The following GLIS3 variants were observed in gnomAD, a reference collection of about 807,000 sequenced individuals.
The protein encoded by GLIS3 is GLIS family zinc finger 3.
A neutral mutation model predicts 78.6 loss-of-function variants in GLIS3; 53 were observed. That is an observed-to-expected ratio of 0.67 (90% CI 0.54 to 0.85). GLIS3 has a LOEUF of 0.85. Ranked by LOEUF, GLIS3 falls within the 40% of genes least tolerant of loss-of-function variation. The pLI, the probability that GLIS3 is intolerant of heterozygous loss-of-function variation, is 0.00. For missense variants in GLIS3, 1,703 were observed against 1,231.1 expected, an observed-to-expected ratio of 1.38 and a Z score of -5.74; for synonymous variants, 684 against 509.9, an observed-to-expected ratio of 1.34 and a Z score of -4.60.
At chr9:4,478,361 C>A in the GLIS3 span, among the ~76,000 whole-genome samples, 1 of 152,250 alleles carries the variant, frequency 6.6e-6, no homozygotes, top group East Asian at 1.9e-4. Flanking sequence ...TATGTAATCC[C>A]AGCAATTTGG....
At chr9:4,428,901 G>T in the GLIS3 span, among the ~76,000 whole-genome samples, 4 of 152,070 alleles carry the variant, frequency 2.6e-5, no homozygotes, top group African/African-American at 9.7e-5. Context: ...CACATGAGTT[G>T]TCCCTGACAC....
chr9:4,033,559 C>G (rs1009488022), intron 4 of GLIS3, among the ~76,000 whole-genome samples: 1 of 152,106 alleles, frequency 6.6e-6, no homozygotes, highest in Non-Finnish European at 1.5e-5. Flanking sequence ...CAAAGCTACG[C>G]TCCTTAAAGT....
At chr9:4,435,512 G>A in the GLIS3 span, among the ~76,000 whole-genome samples, 1 of 152,118 alleles carries the variant, frequency 6.6e-6, no homozygotes, top group Non-Finnish European at 1.5e-5. Context: ...TCATCAAAAG[G>A]CATCATTTTA....
At chr9:4,279,277 A>G (rs10974431) in intron 2 of GLIS3, among the ~76,000 whole-genome samples, 128,056 of 128,392 alleles carry the variant, frequency 1, 63,861 homozygotes, top group Middle Eastern at 1. Context: ...CAGCCTGGGC[A>G]ACAGAGCAAG....
At chr9:3,991,676 T>A (rs1820252181) in intron 4 of GLIS3, among the ~76,000 whole-genome samples, 1 of 145,404 alleles carries the variant, frequency 6.9e-6, no homozygotes, top group Non-Finnish European at 1.5e-5. Context: ...TTTCATTAAG[T>A]AGGCTGATTT....
At chr9:4,479,516 T>C in the GLIS3 span, among the ~76,000 whole-genome samples, 1 of 152,218 alleles carries the variant, frequency 6.6e-6, no homozygotes, top group East Asian at 1.9e-4. Flanking sequence ...TGCAAGTCTG[T>C]ACATTGGGCC....
At chr9:4,319,409 G>C (rs961533744) in intron 2 of GLIS3, among the ~76,000 whole-genome samples, 1 of 152,166 alleles carries the variant, frequency 6.6e-6, no homozygotes, top group African/African-American at 2.4e-5. Flanking sequence ...GTACATGGAA[G>C]CTCATTATTC....
At chr9:3,830,748 G>C (rs1448557103) in intron 9 of GLIS3, among the ~76,000 whole-genome samples, 1 of 152,128 alleles carries the variant, frequency 6.6e-6, no homozygotes, top group African/African-American at 2.4e-5. Context: ...TCTTGAGATT[G>C]GAAGGCTTCA....
intron 2 of GLIS3, among the ~76,000 whole-genome samples, chr9:4,177,744 A>G (rs79210712): frequency 0.034 from 5,209 of 152,320 alleles, 125 homozygotes; most frequent in Non-Finnish European, 0.052. Flanking sequence ...CTTCATATGG[A>G]AAGTGTTCCT....
the GLIS3 span, among the ~76,000 whole-genome samples, chr9:4,459,561 C>T: frequency 0.092 from 14,047 of 152,258 alleles, 841 homozygotes; most frequent in Middle Eastern, 0.14. Flanking sequence ...CCCAGGAGCT[C>T]GTGACCAGAC....
chr9:3,962,804 C>G (rs528241694), intron 4 of GLIS3, among the ~76,000 whole-genome samples: 7 of 152,076 alleles, frequency 4.6e-5, no homozygotes, highest in East Asian at 3.9e-4. Context: ...TCCCCCACCC[C>G]GAAACCCTGC....
chr9:4,247,043 A>T (rs1035378361), intron 2 of GLIS3, among the ~76,000 whole-genome samples: 12 of 152,194 alleles, frequency 7.9e-5, no homozygotes, highest in African/African-American at 2.9e-4. Flanking sequence ...TGAGTTTTTA[A>T]ACCACTCTGG....
the GLIS3 span, among the ~76,000 whole-genome samples, chr9:4,418,371 G>C: frequency 6.6e-6 from 1 of 152,134 alleles, no homozygotes; most frequent in Admixed American, 6.5e-5. Flanking sequence ...TGCCCAAATG[G>C]GTAGGTTAAA....
In GLIS3 at chr9:4,154,442, T is replaced by G. The variant is rs536551792; in HGVS notation, c.389-28501A>C. On this transcript the variant is annotated intron_variant, in intron 2 of 10. Transcript: ENST00000381971. Reference sequence around the variant, plus strand: ...AGAAAATGTATTTGAATTTTTTACTTCATTTTAGGATGCAGAAGGCAAAGA... The same window carrying G: ...AGAAAATGTATTTGAATTTTTTACTGCATTTTAGGATGCAGAAGGCAAAGA... Among the ~76,000 whole-genome samples, 312 of 152,352 alleles carry G rather than the reference T, an allele frequency of 2.0e-3. 1 individual carries two copies. The highest frequency in any genetic ancestry group is 3.6e-3 in the Non-Finnish European group (246 of 68,028).
chr9:4,304,743 G>A (rs1256070766), upstream of GLIS3, among the ~76,000 whole-genome samples: 2 of 152,130 alleles, frequency 1.3e-5, no homozygotes, highest in Non-Finnish European at 2.9e-5. Context: ...GCAATTCAGT[G>A]GCTTTTCAGA....
the GLIS3 span, among the ~76,000 whole-genome samples, chr9:4,411,691 G>A: frequency 4.6e-5 from 7 of 152,012 alleles, no homozygotes; most frequent in Admixed American, 2.0e-4. Context: ...CTTCTCTTCT[G>A]CAACAACAGA....
intron 8 of GLIS3, among the ~76,000 whole-genome samples, chr9:3,860,272 C>CAAAAAAAAAAAAAAAAAAA (rs59923144): frequency 9.3e-5 from 5 of 53,604 alleles, no homozygotes; most frequent in Admixed American, 5.8e-4. Flanking sequence ...AAGACTCTGT[C>CAAAAAAAAAAAAAAAAAAA]AAAAAAAAAA....
At chr9:4,091,121 T>C (rs1829460198) in intron 4 of GLIS3, among the ~76,000 whole-genome samples, 1 of 152,078 alleles carries the variant, frequency 6.6e-6, no homozygotes, top group African/African-American at 2.4e-5. Context: ...TTGGGAGTCT[T>C]GGGTGGGAAG....
intron 2 of GLIS3, among the ~76,000 whole-genome samples, chr9:4,241,173 C>G (rs1316450442): frequency 6.6e-6 from 1 of 152,140 alleles, no homozygotes; most frequent in Non-Finnish European, 1.5e-5. Context: ...ACATTCAACT[C>G]CAGACTGGAT....
Sources: gnomAD v4.1 joint callset for allele counts (sites outside exome capture counted in the v4.1 genomes callset) on GRCh38, gnomAD v4.1.1 for gene constraint, MANE v1.5 for transcripts, NCBI Gene and HGNC (gene_info 2026-07-23, HGNC 2026-07-21) for gene names.